Variants in KLRG1 observed in about 807,000 individuals in gnomAD.
The protein encoded by KLRG1 is killer cell lectin like receptor G1.
In KLRG1, 16 loss-of-function variants were observed where a neutral mutation model predicts 21.8. The ratio of observed to expected loss-of-function variants is 0.73; its 90% CI spans 0.50 to 1.11. KLRG1 has a LOEUF of 1.11. KLRG1 is among the 50% of genes most tolerant of loss of function. The pLI is 0.00. For missense variants in KLRG1, 173 were observed against 218.3 expected (o/e 0.79, Z 1.31); for synonymous variants, 69 against 75.9 (o/e 0.91, Z 0.47).
At chr12:9,197,373 A>G in the KLRG1 span, among the ~76,000 whole-genome samples, 1 of 142,446 alleles carries the variant, frequency 7.0e-6, no homozygotes, top group Non-Finnish European at 1.5e-5. Context: ...ATATTTTTAT[A>G]TATTTAATAT....
the KLRG1 span, chr12:9,068,153 C>T: frequency 1.9e-6 from 3 of 1,612,146 alleles, no homozygotes; most frequent in African/African-American, 2.7e-5. Context: ...GGAGCTCTGA[C>T]TGCCTTTTGG....
At chr12:9,169,531 C>T in the KLRG1 span, 14 of 1,613,094 alleles carry the variant, frequency 8.7e-6, no homozygotes, top group South Asian at 5.5e-5. Context: ...TGTTCTTCCT[C>T]CTGCTGGTCC....
downstream of KLRG1, among the ~76,000 whole-genome samples, chr12:9,012,293 G>A (rs1947642793): frequency 6.6e-6 from 1 of 152,176 alleles, no homozygotes; most frequent in African/African-American, 2.4e-5. Context: ...AGCTACAGAA[G>A]GATAGGGCAC....
chr12:9,165,050 C>T, the KLRG1 span: 632 of 1,455,098 alleles, frequency 4.3e-4, 2 homozygotes, highest in African/African-American at 8.1e-3. Flanking sequence ...CTTGAATTAT[C>T]CTTAGTCTCA....
At chr12:9,110,427 C>T in the KLRG1 span, 2 of 711,322 alleles carry the variant, frequency 2.8e-6, no homozygotes, top group South Asian at 2.0e-5. Flanking sequence ...GCTAGCATAA[C>T]AGGGTGAGTA....
At chr12:9,117,107 G>A in the KLRG1 span, among the ~76,000 whole-genome samples, 4 of 152,120 alleles carry the variant, frequency 2.6e-5, no homozygotes, top group Admixed American at 6.5e-5. Flanking sequence ...AGCTTTCTAA[G>A]CATAACGAAT....
chr12:8,997,433 A>G (rs1947167082), intron 3 of KLRG1, among the ~76,000 whole-genome samples: 2 of 152,126 alleles, frequency 1.3e-5, no homozygotes, highest in Non-Finnish European at 2.9e-5. Context: ...AGATTTACAT[A>G]CTATTTTGAG....
the KLRG1 span, chr12:9,162,740 C>T: frequency 9.7e-7 from 1 of 1,030,326 alleles, no homozygotes; most frequent in Non-Finnish European, 1.5e-6. Context: ...GTAGGGTTTA[C>T]ACGAATGATG....
chr12:9,163,759 G>T, the KLRG1 span: 4 of 1,612,866 alleles, frequency 2.5e-6, no homozygotes, highest in Admixed American at 5.0e-5. Flanking sequence ...GGACTGCATT[G>T]CCTCTGCACT....
At chr12:9,157,665 T>A in the KLRG1 span, 1 of 1,077,946 alleles carries the variant, frequency 9.3e-7, no homozygotes, top group Non-Finnish European at 1.4e-6. Flanking sequence ...TCCCTCATCA[T>A]TGAACCAAAA....
intron 1 of KLRG1, chr12:8,991,985 C>G: frequency 2.4e-6 from 1 of 411,122 alleles, no homozygotes; most frequent in Non-Finnish European, 4.4e-6. Flanking sequence ...AAAAAGCATT[C>G]TTTATCTTGA....
chr12:8,967,502 C>G (rs1946495971), intron 1 of KLRG1, among the ~76,000 whole-genome samples: 1 of 152,008 alleles, frequency 6.6e-6, no homozygotes, highest in African/African-American at 2.4e-5. Context: ...CAGGAGGATC[C>G]TTTGAGCCCA....
At chr12:9,148,801 T>A in the KLRG1 span, 1 of 594,102 alleles carries the variant, frequency 1.7e-6, no homozygotes, top group Non-Finnish European at 2.9e-6. Flanking sequence ...CATGTGAACA[T>A]GTTATTAATG....
At chr12:9,099,435 C>T in the KLRG1 span, 2 of 1,595,712 alleles carry the variant, frequency 1.3e-6, no homozygotes, top group Non-Finnish European at 1.7e-6. Flanking sequence ...CAATCACGTC[C>T]CCGGTAGGTA....
the KLRG1 span, among the ~76,000 whole-genome samples, chr12:9,047,750 T>C: frequency 6.6e-6 from 1 of 152,080 alleles, no homozygotes; most frequent in Non-Finnish European, 1.5e-5. Flanking sequence ...AAGGCTGAAG[T>C]AGCTATATTA....
chr12:9,212,943 A>G, the KLRG1 span, among the ~76,000 whole-genome samples: 2 of 152,188 alleles, frequency 1.3e-5, no homozygotes, highest in Non-Finnish European at 2.9e-5. Flanking sequence ...ACATGTTAGT[A>G]GTCACTTCCT....
At chr12:9,160,059 A>G in the KLRG1 span, 1 of 1,576,614 alleles carries the variant, frequency 6.3e-7, no homozygotes, top group Admixed American at 1.7e-5. Flanking sequence ...TTCATGAAGC[A>G]TTAAAGAAAG....
chr12:9,134,490 G>A, the KLRG1 span, among the ~76,000 whole-genome samples: 1 of 152,030 alleles, frequency 6.6e-6, no homozygotes, highest in Non-Finnish European at 1.5e-5. Flanking sequence ...TCGACTATAA[G>A]TACAACATTG....
the KLRG1 span, among the ~76,000 whole-genome samples, chr12:9,119,977 A>G: frequency 6.6e-6 from 1 of 152,208 alleles, no homozygotes; most frequent in Non-Finnish European, 1.5e-5. Context: ...GGTCCTGGGT[A>G]ACTCAGTTAA....
Sources: gnomAD v4.1 joint callset for allele counts (sites outside exome capture counted in the v4.1 genomes callset) on GRCh38, gnomAD v4.1.1 for gene constraint, MANE v1.5 for transcripts, NCBI Gene and HGNC (gene_info 2026-07-23, HGNC 2026-07-21) for gene names.